EYA3: variants seen among roughly 807,000 people sequenced by gnomAD.
The protein encoded by EYA3 is EYA transcriptional coactivator and phosphatase 3.
In EYA3, 39 loss-of-function variants were observed where a neutral mutation model predicts 80.0. That is an observed-to-expected ratio of 0.49 (90% CI 0.38 to 0.64). The LOEUF (loss-of-function observed/expected upper bound fraction) is 0.64, where lower values mean the gene tolerates loss of function less well. EYA3 is among the 30% of genes least tolerant of loss of function. EYA3 has a pLI of 0.00. For synonymous variants in EYA3, 206 were observed against 232.8 expected (o/e 0.88, Z 1.05); for missense variants, 523 against 676.1 (o/e 0.77, Z 2.51).
rs1463906557 is a variant in EYA3, at chr1:28,024,052, A to T, written c.499+3737T>A. On this transcript the variant is annotated intron_variant, in intron 7 of 17. Coordinates refer to ENST00000373871, the MANE Select transcript of EYA3 (RefSeq NM_001990.4). ...TGAGGAGTTTGAGACCAGCCTGGCC[A>T]ACATGGTGAAACCCCATCTCTACTA... Among the ~76,000 whole-genome samples the T allele has an allele frequency of 3.9e-5, 6 of 152,198 alleles. 1 individual carries two copies. The highest frequency in any genetic ancestry group is 8.8e-5 in the Non-Finnish European group (6 of 68,034).
chr1:28,015,926 G>A (rs1467041480), intron 8 of EYA3, among the ~76,000 whole-genome samples: 2 of 152,116 alleles, frequency 1.3e-5, no homozygotes, highest in African/African-American at 4.8e-5. Flanking sequence ...ACATAAAAAG[G>A]GCTGGAATAA....
intron 16 of EYA3, among the ~76,000 whole-genome samples, chr1:27,983,465 G>A (rs12128181): frequency 0.025 from 3,779 of 152,268 alleles, 96 homozygotes; most frequent in African/African-American, 0.063. Flanking sequence ...GATGGTTGGA[G>A]AATGTACCAC....
chr1:28,061,014 A>AAAAAG lies in EYA3; in HGVS notation c.-68-2925_-68-2921dup, dbSNP rs1447451103. Among the ~76,000 whole-genome samples, 3 of 152,224 alleles carry AAAAAG rather than the reference A, an allele frequency of 2.0e-5. No individual in the cohort carries two copies. In the South Asian group the frequency reaches 6.2e-4, roughly 32 times the overall value. ...GGTGACAGAGTGAGACTCTGTCTCA[A>AAAAAG]AAAAGAAAAGAAAAGAAAAGTTTAA... is the stretch of plus-strand genomic sequence containing the variant. On this transcript the variant is annotated intron_variant, in intron 1 of 17. Coordinates refer to ENST00000373871, the MANE Select transcript of EYA3 (RefSeq NM_001990.4).
chr1:27,989,256 G>T (rs1315250900), intron 15 of EYA3, among the ~76,000 whole-genome samples: 1 of 152,152 alleles, frequency 6.6e-6, no homozygotes, highest in Non-Finnish European at 1.5e-5. Context: ...TTATTTCCCA[G>T]TCTAAGCTTC....
At chr1:28,021,442 C>T (rs962997784) in intron 7 of EYA3, among the ~76,000 whole-genome samples, 4 of 152,076 alleles carry the variant, frequency 2.6e-5, no homozygotes, top group Non-Finnish European at 5.9e-5. Flanking sequence ...TTTTCTCCCC[C>T]GCACCCCACT....
intron 2 of EYA3, among the ~76,000 whole-genome samples, chr1:28,053,292 G>C (rs1340857969): frequency 6.6e-6 from 1 of 151,878 alleles, no homozygotes; most frequent in Non-Finnish European, 1.5e-5. Flanking sequence ...TGAATTGTAG[G>C]ATATGTAAAT....
Position 27,997,453 on chromosome 1 carries a change from GA to G in EYA3, c.1084-76del, listed in dbSNP as rs1640540218. 5.4e-5 allele frequency: 69 copies of G among 1,270,046 alleles called. No individual in the cohort carries two copies. In the Admixed American group the frequency reaches 1.1e-3, roughly 21 times the overall value. The allele number at this position is 1,270,046 out of a possible 1,614,324, so 78.7% of individuals were successfully genotyped here. A position where few individuals can be genotyped will look rare whatever the true frequency, so the allele number is the denominator to read the frequency against. On this transcript the variant is annotated intron_variant, in intron 12 of 17. Transcript: ENST00000373871. ...TTACCATCATGACATACTATAAAAA[GA>G]CCATATACAGTGGCAGGATAATGAA...
In EYA3 at chr1:28,060,778, C is replaced by T. The variant is rs138432433; in HGVS notation, c.-68-2684G>A. Among the ~76,000 whole-genome samples the T allele has an allele frequency of 9.7e-4, 147 of 152,188 alleles. 1 individual carries two copies. Among genetic ancestry groups the T allele is most frequent in the African/African-American group, 3.5e-3 (146 of 41,542 alleles). On this transcript the variant is annotated intron_variant, in intron 1 of 17. Transcript: ENST00000373871. ...TGCCTGTAATCCCAGCACTTTGGGA[C>T]GCCGAGGCAGGCGGATCACAAGGTC... is the stretch of plus-strand genomic sequence containing the variant.
Position 28,014,580 on chromosome 1 carries a change from T to G in EYA3, c.586-1286A>C, listed in dbSNP as rs545274679. 4.0e-5 allele frequency among the ~76,000 whole-genome samples: 6 copies of G among 151,822 alleles called. No individual in the cohort carries two copies. The East Asian group carries it at 9.7e-4, about 24-fold the overall frequency. On this transcript the variant is annotated intron_variant, in intron 8 of 17. Coordinates refer to ENST00000373871, the MANE Select transcript of EYA3 (RefSeq NM_001990.4). The stretch of plus-strand genomic sequence containing the variant: ...CAGCCCCTACTAAAAATACAAAAAT[T>G]AGCCAGGTATGGTGGCATGCACCTG...
At chr1:28,074,582 C>A (rs546640241) in intron 1 of EYA3, among the ~76,000 whole-genome samples, 14 of 150,890 alleles carry the variant, frequency 9.3e-5, no homozygotes, top group African/African-American at 2.9e-4. Flanking sequence ...TGGCAATTGT[C>A]CCTCCTCAGT....
At chr1:27,994,740 G>A (rs1469269562) in intron 13 of EYA3, among the ~76,000 whole-genome samples, 2 of 152,128 alleles carry the variant, frequency 1.3e-5, no homozygotes, top group Non-Finnish European at 2.9e-5. Flanking sequence ...GCTGAAATGG[G>A]AGGATTGCTT....
intron 1 of EYA3, among the ~76,000 whole-genome samples, chr1:28,081,657 A>T (rs760573435): frequency 1.2e-4 from 19 of 152,320 alleles, no homozygotes; most frequent in Non-Finnish European, 1.9e-4. Context: ...ATTGTGCTAA[A>T]TTAAATGTTC....
At chr1:27,990,578 G>A (rs1477702363) in intron 14 of EYA3, 3 of 144,256 alleles carry the variant, frequency 2.1e-5, no homozygotes, top group African/African-American at 7.6e-5. Flanking sequence ...TTCTGAGATG[G>A]AGTCTTGCTC....
intron 11 of EYA3, among the ~76,000 whole-genome samples, chr1:28,002,008 C>G (rs1321442352): frequency 6.6e-6 from 1 of 152,056 alleles, no homozygotes; most frequent in Non-Finnish European, 1.5e-5. Flanking sequence ...CTCCGCCTCC[C>G]AGGTTCAAGC....
At chr1:28,010,400 T>C (rs989137255) in intron 10 of EYA3, among the ~76,000 whole-genome samples, 1 of 152,168 alleles carries the variant, frequency 6.6e-6, no homozygotes, top group African/African-American at 2.4e-5. Context: ...TTAAATTTCT[T>C]TTCTTTTTGA....
rs1350390984 is a variant in EYA3, at chr1:27,972,596, T to C, written c.*1870A>G. 1 of 152,260 alleles carries C rather than the reference T, an allele frequency of 6.6e-6. No individual in the cohort carries two copies. Among genetic ancestry groups the C allele is most frequent in the African/African-American group, 2.4e-5 (1 of 41,472 alleles). 9.4% of individuals were successfully genotyped at this position (152,260 alleles called of 1,614,324 possible). On this transcript the variant is annotated 3_prime_UTR_variant, in exon 18 of 18. Transcript: ENST00000373871. The stretch of plus-strand genomic sequence containing the variant: ...CAGAATCTCTGGTGACAAGCAATTA[T>C]AGCTGGGGTTGGTCAACAATGCCTC...
chr1:27,972,316 A>G lies in EYA3; in HGVS notation c.*2150T>C, dbSNP rs1490965817. 4.6e-5 allele frequency: 7 copies of G among 152,380 alleles called. No homozygotes were observed. In the East Asian group the frequency reaches 1.4e-3, roughly 29 times the overall value. 9.4% of individuals were successfully genotyped at this position (152,380 alleles called of 1,614,324 possible). ...AGGCAACTATGCTGAATACAGACCA[A>G]GGGAAGGCCTACCTCACACTACATC... On this transcript the variant is annotated 3_prime_UTR_variant, in exon 18 of 18. Transcript: ENST00000373871.
rs548678328 is a variant in EYA3 at position 28,035,731 on chromosome 1, G to A, written c.225-51C>T. On this transcript the variant is annotated intron_variant, in intron 5 of 17. Transcript: ENST00000373871. ...CTTTTGTGTGATTTACTTTAGTAAC[G>A]AAAAATAGGTAAAATAGCTACCACC... 24 of 1,564,042 alleles carry A rather than the reference G, an allele frequency of 1.5e-5. No homozygotes were observed. In the African/African-American group the frequency reaches 2.2e-4, roughly 14 times the overall value.
chr1:28,068,154 G>C (rs1644898220), intron 1 of EYA3, among the ~76,000 whole-genome samples: 1 of 151,856 alleles, frequency 6.6e-6, no homozygotes, highest in Non-Finnish European at 1.5e-5. Flanking sequence ...TGGCCTACAT[G>C]GTGAAACTCC....
Sources: gnomAD v4.1 joint callset for allele counts (sites outside exome capture counted in the v4.1 genomes callset) on GRCh38, gnomAD v4.1.1 for gene constraint, MANE v1.5 for transcripts, NCBI Gene and HGNC (gene_info 2026-07-23, HGNC 2026-07-21) for gene names.